The following EPRS1 variants were observed in gnomAD, a reference collection of about 807,000 sequenced individuals.
The protein encoded by EPRS1 is glutamyl-prolyl-tRNA synthetase 1.
Under a neutral mutation model 188.3 loss-of-function variants are expected in EPRS1, and 107 were observed. The observed-to-expected ratio is 0.57, with a 90% CI of 0.49 to 0.67. EPRS1 has a LOEUF of 0.67. Among genes scored for constraint, EPRS1 ranks in the 30% least tolerant of loss-of-function variants. The pLI is 0.00. For missense variants in EPRS1, 1,577 were observed against 1,802.2 expected, an observed-to-expected ratio of 0.88 and a Z score of 2.26; for synonymous variants, 596 against 593.1, an observed-to-expected ratio of 1.00 and a Z score of -0.07.
chr1:220,044,485 G>A (rs1662360223), intron 1 of EPRS1, among the ~76,000 whole-genome samples: 1 of 152,004 alleles, frequency 6.6e-6, no homozygotes, highest in Non-Finnish European at 1.5e-5. Context: ...GGCACTTTGG[G>A]AGGCCAAGGC....
At chr1:219,993,541 CAG>C (rs1004704287) in intron 18 of EPRS1, among the ~76,000 whole-genome samples, 1 of 152,186 alleles carries the variant, frequency 6.6e-6, no homozygotes, top group Non-Finnish European at 1.5e-5. Context: ...AAACAAAAAA[CAG>C]AGCAAGAAAA....
At position 219,987,166 on chromosome 1, in the gene EPRS1, C is replaced by T. The variant is rs1661021555; in HGVS notation, c.3014G>A (p.Gly1005Glu). ...CCTGGTCTGTTTCTTAGGCCCCTGC[C>T]CTTCTCCTGCTCCACTTGATGAGAG... The part of the protein sequence containing the change: ...GGLSSSGAGE[G>E]QGPKKQTRLG... Residue 1005 changes from glycine to glutamate, a missense_variant, in exon 20 of 32, where the codon GGG becomes GAG. Coordinates refer to ENST00000366923, the MANE Select transcript of EPRS1 (RefSeq NM_004446.3). 1.2e-6 allele frequency: 2 copies of T among 1,613,056 alleles called. No homozygotes were observed. The highest frequency in any genetic ancestry group is 1.7e-6 in the Non-Finnish European group (2 of 1,179,802).
intron 10 of EPRS1, 57 bp downstream of exon 10, chr1:220,019,931 A>C (rs1431110952): frequency 8.0e-7 from 1 of 1,244,668 alleles, no homozygotes; most frequent in African/African-American, 1.5e-5. Flanking sequence ...GCAGTTTAAA[A>C]ATCACTGATC....
chr1:220,031,090 CA>C (rs11286771), intron 5 of EPRS1, among the ~76,000 whole-genome samples: 109,627 of 131,278 alleles, frequency 0.84, 45,067 homozygotes, highest in East Asian at 0.92. Context: ...AACTCTGTCT[CA>C]AAAAAAAAAA....
At chr1:219,970,655 G>A (rs1660647104) in intron 30 of EPRS1, among the ~76,000 whole-genome samples, 1 of 151,958 alleles carries the variant, frequency 6.6e-6, no homozygotes, top group Non-Finnish European at 1.5e-5. Context: ...GCAGGCGCCT[G>A]TAATCCCAGC....
chr1:220,034,422 C>A (rs535819682), intron 3 of EPRS1, among the ~76,000 whole-genome samples: 1 of 152,234 alleles, frequency 6.6e-6, no homozygotes, highest in East Asian at 1.9e-4. Context: ...TAACACATTT[C>A]TCAGAACGCA....
At chr1:220,004,680 G>A (rs928476556) in intron 16 of EPRS1, among the ~76,000 whole-genome samples, 1 of 152,110 alleles carries the variant, frequency 6.6e-6, no homozygotes, top group African/African-American at 2.4e-5. Flanking sequence ...ATCTAAAGCA[G>A]TTAGATTCAC....
chr1:219,982,160 A>G (rs1349906504), intron 23 of EPRS1, among the ~76,000 whole-genome samples: 3 of 152,204 alleles, frequency 2.0e-5, no homozygotes, highest in Non-Finnish European at 4.4e-5. Flanking sequence ...ACAATCCTGA[A>G]CTCTACAGAT....
intron 28 of EPRS1, among the ~76,000 whole-genome samples, chr1:219,975,013 T>TA (rs1305744003): frequency 6.6e-6 from 1 of 152,102 alleles, no homozygotes; most frequent in Admixed American, 6.5e-5. Context: ...AAACATTCTA[T>TA]AAAAAACTGA....
At chr1:219,991,983 G>A (rs1305720339) in intron 18 of EPRS1, among the ~76,000 whole-genome samples, 3 of 152,110 alleles carry the variant, frequency 2.0e-5, no homozygotes, top group African/African-American at 7.2e-5. Flanking sequence ...AGATATAGCT[G>A]GAATTCACTA....
intron 18 of EPRS1, among the ~76,000 whole-genome samples, chr1:219,991,718 C>A (rs1335972768): frequency 6.6e-6 from 1 of 152,134 alleles, no homozygotes; most frequent in Non-Finnish European, 1.5e-5. Context: ...CAGGGTAGAG[C>A]CGAGATCCTG....
At position 220,034,898 on chromosome 1, in the gene EPRS1, A is replaced by G; in HGVS notation, c.231+16T>C. ...GCATAAGACAAAACACACACAACAA[A>G]ATGTTCATTGCTTACCTCAGTATGT... On this transcript the variant is annotated intron_variant, in intron 3 of 31. Coordinates refer to ENST00000366923, the MANE Select transcript of EPRS1 (RefSeq NM_004446.3). The G allele has an allele frequency of 7.1e-7, 1 of 1,406,190 alleles. No individual in the cohort carries two copies. Among genetic ancestry groups the G allele is most frequent in the Non-Finnish European group, 1.0e-6 (1 of 990,528 alleles). 87.1% of individuals were successfully genotyped at this position (1,406,190 alleles called of 1,614,324 possible). A position where few individuals can be genotyped will look rare whatever the true frequency, so the allele number is the denominator to read the frequency against.
At chr1:219,971,546 T>G (rs1660663708) in intron 30 of EPRS1, among the ~76,000 whole-genome samples, 1 of 151,992 alleles carries the variant, frequency 6.6e-6, no homozygotes, top group African/African-American at 2.4e-5. Flanking sequence ...TCACCTTGTT[T>G]TAGGCAGCCG....
At chr1:219,989,582 A>T (rs1158760161) in intron 18 of EPRS1, among the ~76,000 whole-genome samples, 1 of 152,192 alleles carries the variant, frequency 6.6e-6, no homozygotes, top group Admixed American at 6.5e-5. Flanking sequence ...TTACTGCTAC[A>T]TTCGAATAAT....
At position 220,044,681 on chromosome 1, in the gene EPRS1, C is replaced by CA. The variant is rs71560597; in HGVS notation, c.46+1661dup. Among the ~76,000 whole-genome samples, 272 of 88,350 alleles carry CA rather than the reference C, an allele frequency of 3.1e-3. 13 individuals carry two copies. Among genetic ancestry groups the CA allele is most frequent in the Middle Eastern group, 8.5e-3 (1 of 118 alleles). The allele number at this position is 88,350 out of a possible 152,430, so 58.0% of individuals were successfully genotyped here. A position where few individuals can be genotyped will look rare whatever the true frequency, so the allele number is the denominator to read the frequency against. Reference sequence around the variant, plus strand: ...CAGAGGTTGCAATGAGCTCGGTCTCCAAAAAAAAAAAAAAAAAAAAAAAAA... The same window carrying CA: ...CAGAGGTTGCAATGAGCTCGGTCTCCAAAAAAAAAAAAAAAAAAAAAAAAAA... On this transcript the variant is annotated intron_variant, in intron 1 of 31. Transcript: ENST00000366923.
chr1:219,968,837 T>C lies in EPRS1; in HGVS notation c.4508A>G (p.Lys1503Arg), dbSNP rs1660613325. The change falls in exon 32 of 32, where the codon AAG (lysine) becomes AGG (arginine). Residue 1503 changes from lysine to arginine, a missense_variant. Transcript: ENST00000366923. ...GCTGCGACCAAATAAGGTGTAGTAC[T>C]TGGCAGGGTTCTTGCCACAGACACA... ...AKCVCGKNPA[K>R]YYTLFGRSY The C allele has an allele frequency of 1.2e-6, 2 of 1,614,074 alleles. No homozygotes were observed. Among genetic ancestry groups the C allele is most frequent in the Admixed American group, 1.7e-5 (1 of 60,002 alleles).
At chr1:219,997,486 T>G in intron 17 of EPRS1, 144 bp from the exon 18 acceptor site, 35 of 654,960 alleles carry the variant, frequency 5.3e-5, no homozygotes, top group Non-Finnish European at 7.8e-5. Flanking sequence ...CTTAAATGAA[T>G]AATCTCCTAA....
At chr1:220,018,244 T>C in intron 12 of EPRS1, 1 of 1,067,390 alleles carries the variant, frequency 9.4e-7, no homozygotes. Context: ...GTTTCAATCA[T>C]TGTTACTTAT....
intron 29 of EPRS1, 67 bp from the exon 30 acceptor site, chr1:219,972,214 C>T (rs1660681171): frequency 1.0e-6 from 1 of 1,000,038 alleles, no homozygotes; most frequent in Non-Finnish European, 1.5e-6. Context: ...TTATGAAACA[C>T]ATAAGCACAA....
Sources: gnomAD v4.1 joint callset for allele counts (sites outside exome capture counted in the v4.1 genomes callset) on GRCh38, gnomAD v4.1.1 for gene constraint, MANE v1.5 for transcripts, NCBI Gene and HGNC (gene_info 2026-07-23, HGNC 2026-07-21) for gene names.